The following SULF1 variants were observed in gnomAD, a reference collection of about 807,000 sequenced individuals.
SULF1 encodes sulfatase 1, also known as extracellular sulfatase Sulf-1.
A neutral mutation model predicts 110.5 loss-of-function variants in SULF1; 46 were observed. The observed-to-expected ratio is 0.42, with a 90% CI of 0.33 to 0.53. SULF1 has a LOEUF of 0.53. SULF1 is among the 20% of genes least tolerant of loss of function. The probability of loss-of-function intolerance (pLI) is 0.12; values close to 1 mark genes in which losing one functional copy is unlikely to be tolerated. For missense variants in SULF1, 941 were observed against 1,094.2 expected (o/e 0.86, Z 1.98); for synonymous variants, 371 against 387.1 (o/e 0.96, Z 0.49).
At chr8:69,618,717 A>G (rs1809370299) in intron 13 of SULF1, among the ~76,000 whole-genome samples, 2 of 152,220 alleles carry the variant, frequency 1.3e-5, no homozygotes, top group African/African-American at 4.8e-5. Flanking sequence ...TAGTACCAAG[A>G]GTATAGGGGG....
intron 3 of SULF1, among the ~76,000 whole-genome samples, chr8:69,561,633 C>T (rs1815491561): frequency 6.6e-6 from 1 of 152,180 alleles, no homozygotes; most frequent in Non-Finnish European, 1.5e-5. Flanking sequence ...CTGTTCCTAC[C>T]TGGTTGCTAC....
At chr8:69,603,571 A>G (rs1401082053) in intron 11 of SULF1, 29 bp from the exon 12 acceptor site, 1 of 1,596,194 alleles carries the variant, frequency 6.3e-7, no homozygotes, top group African/African-American at 1.3e-5. Context: ...TCCAGATGCC[A>G]AAAGTAAATA....
At chr8:69,537,012 A>G (rs1477435133) in intron 3 of SULF1, among the ~76,000 whole-genome samples, 1 of 152,194 alleles carries the variant, frequency 6.6e-6, no homozygotes, top group Non-Finnish European at 1.5e-5. Context: ...TTCAGCTAAA[A>G]TGGGGGAATG....
chr8:69,627,637 G>A (rs1413060071), intron 16 of SULF1, 135 bp from the exon 17 acceptor site: 6 of 695,844 alleles, frequency 8.6e-6, no homozygotes, highest in African/African-American at 7.1e-5. Flanking sequence ...TCTATGCCCA[G>A]TTTGTTTCTA....
chr8:69,564,177 C>T (rs755093420), intron 5 of SULF1, 30 bp downstream of exon 5: 2 of 1,607,766 alleles, frequency 1.2e-6, no homozygotes, highest in African/African-American at 1.3e-5. Context: ...ACTTGTTAGT[C>T]TCTTTTGTTC....
At chr8:69,536,342 C>G (rs1367158041) in intron 3 of SULF1, among the ~76,000 whole-genome samples, 1 of 152,130 alleles carries the variant, frequency 6.6e-6, no homozygotes, top group Non-Finnish European at 1.5e-5. Context: ...AATGTTGTTC[C>G]CTTTCATCAA....
intron 13 of SULF1, among the ~76,000 whole-genome samples, chr8:69,609,589 C>T (rs1808480641): frequency 6.6e-6 from 1 of 152,132 alleles, no homozygotes; most frequent in Non-Finnish European, 1.5e-5. Flanking sequence ...AATTTAGGTC[C>T]AGAAAAGTTA....
intron 3 of SULF1, among the ~76,000 whole-genome samples, chr8:69,550,040 T>C (rs1483006026): frequency 6.6e-6 from 1 of 151,880 alleles, no homozygotes; most frequent in Non-Finnish European, 1.5e-5. Context: ...TAAGGCACAG[T>C]GGCAGATTCA....
Position 69,612,161 on chromosome 8 carries a change from G to T in SULF1, c.1377+7229G>T, listed in dbSNP as rs138545248. 9.9e-4 allele frequency among the ~76,000 whole-genome samples: 150 copies of T among 152,184 alleles called. 1 individual carries two copies. In the East Asian group the frequency reaches 0.025, roughly 25 times the overall value. The stretch of plus-strand genomic sequence containing the variant: ...AGTGGTCTCCAGCTCCATCCAAGTT[G>T]CTGCAAAATACACATTATTTTGTTC... On this transcript the variant is annotated intron_variant, in intron 13 of 22. Coordinates refer to ENST00000402687, the MANE Select transcript of SULF1 (RefSeq NM_001128205.2).
At chr8:69,494,857 G>A (rs1442340291) in intron 1 of SULF1, among the ~76,000 whole-genome samples, 2 of 150,464 alleles carry the variant, frequency 1.3e-5, no homozygotes, top group Non-Finnish European at 2.9e-5. Context: ...CTCAGCCTGG[G>A]TGACAAAGTG....
intron 5 of SULF1, among the ~76,000 whole-genome samples, chr8:69,569,645 CT>C (rs1378777030): frequency 3.9e-5 from 6 of 152,194 alleles, no homozygotes; most frequent in Admixed American, 6.5e-5. Context: ...AACCCTCTGA[CT>C]TTTCTTATAC....
intron 8 of SULF1, among the ~76,000 whole-genome samples, chr8:69,592,259 A>G (rs573804276): frequency 6.6e-6 from 1 of 152,298 alleles, no homozygotes. Flanking sequence ...GCTACAAAGA[A>G]AGCAGCACTA....
Position 69,504,743 on chromosome 8 carries a change from C to G in SULF1, c.-134+2775C>G, listed in dbSNP as rs139388028. ...ATGTTTGGCTTCAGAGATCTCTGCC[C>G]CTTTTCAACCAACTCCAGGATTTGA... On this transcript the variant is annotated intron_variant, in intron 3 of 22. Coordinates refer to ENST00000402687, the MANE Select transcript of SULF1 (RefSeq NM_001128205.2). 3.4e-3 allele frequency among the ~76,000 whole-genome samples: 523 copies of G among 152,090 alleles called. 2 individuals are homozygous for G. The highest frequency in any genetic ancestry group is 4.3e-3 in the Non-Finnish European group (294 of 67,990).
intron 3 of SULF1, among the ~76,000 whole-genome samples, chr8:69,519,397 A>G (rs2150607849): frequency 6.6e-6 from 1 of 152,334 alleles, no homozygotes; most frequent in Non-Finnish European, 1.5e-5. Context: ...TAAGTAATTT[A>G]CATGAATATC....
At chr8:69,634,125 T>A (rs1810796731) in intron 19 of SULF1, among the ~76,000 whole-genome samples, 1 of 152,226 alleles carries the variant, frequency 6.6e-6, no homozygotes, top group Non-Finnish European at 1.5e-5. Flanking sequence ...ATATTATCTT[T>A]TCTTCACCTG....
At chr8:69,488,800 C>G (rs1384442059), upstream of SULF1, among the ~76,000 whole-genome samples, 1 of 152,008 alleles carries the variant, frequency 6.6e-6, no homozygotes, top group Non-Finnish European at 1.5e-5. Flanking sequence ...GAGGATAACA[C>G]ATACCATGCA....
At chr8:69,571,239 T>G (rs1805207793) in intron 5 of SULF1, among the ~76,000 whole-genome samples, 1 of 152,164 alleles carries the variant, frequency 6.6e-6, no homozygotes, top group Non-Finnish European at 1.5e-5. Flanking sequence ...GTGATGGGGT[T>G]GAGGTGAGCA....
At chr8:69,593,948 A>T (rs905005306) in intron 8 of SULF1, among the ~76,000 whole-genome samples, 1 of 152,120 alleles carries the variant, frequency 6.6e-6, no homozygotes, top group African/African-American at 2.4e-5. Flanking sequence ...AGGGAAGGAG[A>T]TGCCATTTAC....
At position 69,632,633 on chromosome 8, in the gene SULF1, A is replaced by G. The variant is rs191572817; in HGVS notation, c.2284+2954A>G. Among the ~76,000 whole-genome samples the G allele has an allele frequency of 2.0e-5, 3 of 152,274 alleles. No individual in the cohort carries two copies. In the East Asian group the frequency reaches 5.8e-4, roughly 29 times the overall value. On this transcript the variant is annotated intron_variant, in intron 19 of 22. Coordinates refer to ENST00000402687, the MANE Select transcript of SULF1 (RefSeq NM_001128205.2). ...TCCTCCAATGCAATGGTCTCTAAACATTTTTTTATTATGTACCCATATCAA... is the reference window on the plus strand; with the variant it reads ...TCCTCCAATGCAATGGTCTCTAAACGTTTTTTTATTATGTACCCATATCAA...
Sources: allele counts gnomAD v4.1 joint callset (sites outside exome capture counted in the v4.1 genomes callset), GRCh38; gene constraint gnomAD v4.1.1; transcripts MANE v1.5; gene names NCBI Gene and HGNC (gene_info 2026-07-23, HGNC 2026-07-21).